The following MIER2 variants were observed in gnomAD, a reference collection of about 807,000 sequenced individuals.
MIER2 encodes the protein MIER family member 2, also known as mesoderm induction early response protein 2.
A neutral mutation model predicts 67.6 loss-of-function variants in MIER2; 30 were observed. The observed-to-expected ratio is 0.44, with a 90% CI of 0.33 to 0.60. The LOEUF (loss-of-function observed/expected upper bound fraction) is 0.60. MIER2 is among the 20% of genes least tolerant of loss of function. The probability of loss-of-function intolerance (pLI) is 0.02; values close to 1 mark genes in which losing one functional copy is unlikely to be tolerated. For missense variants in MIER2, 702 were observed against 745.1 expected (o/e 0.94, Z 0.67); for synonymous variants, 372 against 312.6 (o/e 1.19, Z -2.00).
chr19:327,184 G>C lies in MIER2; in HGVS notation c.442C>G (p.Pro148Ala). The stretch of plus-strand genomic sequence containing the variant: ...GAGGCCTCGTGGGAGGTCACGGACG[G>C]GGTGAGGTCGTCAGCAGATGATTGC... ...ETQSSADDLTPSVTSHEASDL... is the reference protein window; with the variant it reads ...ETQSSADDLTASVTSHEASDL... Residue 148 changes from proline (P) to alanine (A), a missense_variant, in exon 5 of 14, where the codon CCG (proline) becomes GCG (alanine). Physicochemically the swap from Pro to Ala is conservative, Grantham distance 27. Transcript: ENST00000264819. 1 of 1,597,182 alleles carries C rather than the reference G, an allele frequency of 6.3e-7. No homozygotes were observed. Among genetic ancestry groups the C allele is most frequent in the South Asian group, 1.1e-5 (1 of 87,782 alleles).
At chr19:333,734 G>A (rs566214092) in intron 3 of MIER2, among the ~76,000 whole-genome samples, 4 of 132,674 alleles carry the variant, frequency 3.0e-5, no homozygotes, top group Admixed American at 8.0e-5. Context: ...TGTCACCCAG[G>A]CTGGAGTGCA....
At chr19:309,275 C>T (rs72984404) in intron 10 of MIER2, among the ~76,000 whole-genome samples, 19,389 of 152,032 alleles carry the variant, frequency 0.13, 1,612 homozygotes, top group African/African-American at 0.22. Context: ...CCATGAGCCA[C>T]GGGCCAGTTG....
At chr19:335,267 C>G (rs895346) in intron 2 of MIER2, among the ~76,000 whole-genome samples, 111,265 of 152,216 alleles carry the variant, frequency 0.73, 40,900 homozygotes, top group African/African-American at 0.8. Flanking sequence ...GTCCAGGGCA[C>G]GAGGCCTCTA....
At chr19:320,021 T>C (rs943156072) in intron 7 of MIER2, among the ~76,000 whole-genome samples, 10 of 152,170 alleles carry the variant, frequency 6.6e-5, no homozygotes, top group Admixed American at 5.9e-4. Context: ...CACCAGGGGA[T>C]ACACAGCATT....
rs1010277386 is a variant in MIER2 at position 328,062 on chromosome 19, T to G, written c.244-73A>C. ...GGGTTCCTGTCCCTGTCCTCTTGCC[T>G]GAGCCTCACTGGCCACAACCAGGGC... On this transcript the variant is annotated intron_variant, in intron 3 of 13. Coordinates refer to ENST00000264819, the MANE Select transcript of MIER2 (RefSeq NM_017550.3). The G allele has an allele frequency of 3.2e-6, 5 of 1,578,730 alleles. No individual in the cohort carries two copies. In the African/African-American group the frequency reaches 5.5e-5, roughly 17 times the overall value.
chr19:344,479 C>A, intron 1 of MIER2: 2 of 635,342 alleles, frequency 3.1e-6, no homozygotes, highest in East Asian at 1.4e-4. Flanking sequence ...ACCAGCCCCG[C>A]CCCGCGTCCC....
At chr19:343,559 A>G (rs1972598226) in intron 1 of MIER2, among the ~76,000 whole-genome samples, 1 of 152,184 alleles carries the variant, frequency 6.6e-6, no homozygotes, top group Admixed American at 6.6e-5. Flanking sequence ...GGGGGAGAGA[A>G]TGGCCAGTCC....
intron 6 of MIER2, among the ~76,000 whole-genome samples, chr19:326,302 T>C (rs977145395): frequency 1.3e-5 from 2 of 148,668 alleles, no homozygotes; most frequent in African/African-American, 2.5e-5. Flanking sequence ...GGATGCCAGG[T>C]TGGGGACACG....
At chr19:344,128 C>T in intron 1 of MIER2, 1 of 985,436 alleles carries the variant, frequency 1.0e-6, no homozygotes, top group African/African-American at 1.7e-5. Context: ...AACTTCGTGC[C>T]CGGGAGAGGC....
chr19:317,676 A>G (rs1458110130), intron 7 of MIER2, among the ~76,000 whole-genome samples: 1 of 145,378 alleles, frequency 6.9e-6, no homozygotes, highest in African/African-American at 2.5e-5. Flanking sequence ...GTTGCCGTGA[A>G]GTAAGATCGC....
intron 1 of MIER2, among the ~76,000 whole-genome samples, chr19:337,533 T>C (rs1251197242): frequency 6.6e-6 from 1 of 152,074 alleles, no homozygotes; most frequent in Non-Finnish European, 1.5e-5. Context: ...GAGGGCTGGA[T>C]GGTGTAGTCA....
chr19:335,347 C>T (rs1972195599), intron 2 of MIER2, among the ~76,000 whole-genome samples: 1 of 152,234 alleles, frequency 6.6e-6, no homozygotes, highest in African/African-American at 2.4e-5. Flanking sequence ...ACAGAACATG[C>T]AGCTGCAGGG....
intron 7 of MIER2, among the ~76,000 whole-genome samples, chr19:320,870 T>G (rs1971472261): frequency 6.6e-6 from 1 of 152,234 alleles, no homozygotes; most frequent in South Asian, 2.1e-4. Flanking sequence ...GCCCCAGAGC[T>G]TGCGCCTGAG....
At position 326,493 on chromosome 19, in the gene MIER2, G is replaced by A; in HGVS notation, c.585+14C>T. ...GCCGGGATGCCAGGTTGGGGAGATGGCAGAACCACGTACCTTCTTACATTT... is the reference window on the plus strand; with the variant it reads ...GCCGGGATGCCAGGTTGGGGAGATGACAGAACCACGTACCTTCTTACATTT... On this transcript the variant is annotated intron_variant, in intron 6 of 13. Coordinates refer to ENST00000264819, the MANE Select transcript of MIER2 (RefSeq NM_017550.3). The A allele has an allele frequency of 6.2e-7, 1 of 1,611,272 alleles. No homozygotes were observed. Among genetic ancestry groups the A allele is most frequent in the Non-Finnish European group, 8.5e-7 (1 of 1,177,500 alleles).
chr19:320,657 G>C (rs999828993), intron 7 of MIER2, among the ~76,000 whole-genome samples: 4 of 152,126 alleles, frequency 2.6e-5, no homozygotes, highest in African/African-American at 9.7e-5. Flanking sequence ...ACACCAGGGA[G>C]GCAGGCAGCA....
Position 306,448 on chromosome 19 carries a change from G to A in MIER2, c.*242C>T, listed in dbSNP as rs1340446626. On this transcript the variant is annotated 3_prime_UTR_variant, in exon 14 of 14. Transcript: ENST00000264819. ...GGATCCCACGTGCAGGCAGCGGCCC[G>A]GACCCGGGTGGCAGTGCCGGGCGCT... 3.6e-5 allele frequency: 22 copies of A among 610,900 alleles called. No individual in the cohort carries two copies. Among genetic ancestry groups the A allele is most frequent in the South Asian group, 1.0e-4 (5 of 49,980 alleles). 37.8% of individuals were successfully genotyped at this position (610,900 alleles called of 1,614,324 possible). A position where few individuals can be genotyped will look rare whatever the true frequency, so the allele number is the denominator to read the frequency against.
intron 1 of MIER2, among the ~76,000 whole-genome samples, chr19:339,224 T>A (rs1376729683): frequency 6.6e-6 from 1 of 151,990 alleles, no homozygotes; most frequent in Admixed American, 6.6e-5. Context: ...GATAAGGAAC[T>A]TCTTCTCAGT....
At chr19:337,870 C>CCA (rs1161369821) in intron 1 of MIER2, among the ~76,000 whole-genome samples, 41 of 37,132 alleles carry the variant, frequency 1.1e-3, no homozygotes, top group African/African-American at 7.0e-3. Context: ...CTCCATCTCA[C>CCA]AAAAAAAAAA....
chr19:334,131 T>G (rs763409200), intron 3 of MIER2: 1 of 370,628 alleles, frequency 2.7e-6, no homozygotes, highest in Non-Finnish European at 4.9e-6. Context: ...AGCCTGAAAC[T>G]CTCAATAATT....
Sources: allele counts gnomAD v4.1 joint callset (sites outside exome capture counted in the v4.1 genomes callset), GRCh38; gene constraint gnomAD v4.1.1; transcripts MANE v1.5; gene names NCBI Gene and HGNC (gene_info 2026-07-23, HGNC 2026-07-21).